Variants in NEMP2 observed in about 807,000 individuals in gnomAD.
NEMP2 encodes nuclear envelope integral membrane protein 2.
NEMP2 carries 53 observed loss-of-function variants against 54.2 expected under a neutral mutation model. The ratio of observed to expected loss-of-function variants is 0.98; its 90% confidence interval spans 0.78 to 1.23. The LOEUF is 1.23. Among genes scored for constraint, NEMP2 ranks in the 50% most tolerant of loss-of-function variants. NEMP2 has a pLI of 0.00. For missense variants in NEMP2, 455 were observed against 511.3 expected (o/e 0.89, Z 1.06); for synonymous variants, 197 against 190.3 (o/e 1.04, Z -0.29).
chr2:190,648,557 G>C, the NEMP2 span: 1 of 150,362 alleles, frequency 6.7e-6, no homozygotes, highest in Non-Finnish European at 1.5e-5. Context: ...CCTCCTAGAG[G>C]ATGTTGGATT....
the NEMP2 span, among the ~76,000 whole-genome samples, chr2:190,590,976 G>A: frequency 6.6e-6 from 1 of 152,172 alleles, no homozygotes; most frequent in African/African-American, 2.4e-5. The surrounding 1 kb of genome is among the most constrained non-coding windows in gnomAD (Gnocchi z 5.1). Context: ...CAGCTGTACA[G>A]AATGAGGCTT....
chr2:190,478,680 T>C, the NEMP2 span, among the ~76,000 whole-genome samples: 1 of 152,126 alleles, frequency 6.6e-6, no homozygotes, highest in Admixed American at 6.6e-5. Context: ...ATTCCTTGAC[T>C]GGAAATGTTA....
At chr2:190,464,811 A>AT in the NEMP2 span, 1 of 631,358 alleles carries the variant, frequency 1.6e-6, no homozygotes, top group Non-Finnish European at 1.9e-6. Context: ...TTTCCTCTTC[A>AT]TTTTTACTCC....
chr2:190,609,880 G>A, the NEMP2 span: 3 of 152,132 alleles, frequency 2.0e-5, no homozygotes, highest in Admixed American at 1.3e-4. This position sits in a 1 kb window ranked among gnomAD's most constrained non-coding sequence, Gnocchi z 4.7. Context: ...TATTTCGGGG[G>A]CCTAGAATAG....
At chr2:190,559,136 G>A in the NEMP2 span, among the ~76,000 whole-genome samples, 3 of 152,118 alleles carry the variant, frequency 2.0e-5, no homozygotes, top group African/African-American at 7.2e-5. The surrounding 1 kb of genome is among the most constrained non-coding windows in gnomAD (Gnocchi z 4.0). Flanking sequence ...CAGTGGCAGT[G>A]GGATGGAGCT....
chr2:190,634,177 AAAT>A, the NEMP2 span, among the ~76,000 whole-genome samples: 2 of 152,170 alleles, frequency 1.3e-5, no homozygotes, highest in Non-Finnish European at 2.9e-5. This position sits in a 1 kb window ranked among gnomAD's most constrained non-coding sequence, Gnocchi z 6.8. Context: ...ATAAAATTAT[AAAT>A]AATAATATAA....
rs745707627 is a variant in NEMP2, at chr2:190,525,244, G to A, written c.213+19C>T. The A allele has an allele frequency of 2.2e-6, 3 of 1,353,784 alleles. No individual in the cohort carries two copies. Among genetic ancestry groups the A allele is most frequent in the Non-Finnish European group, 3.1e-6 (3 of 969,956 alleles). The allele number at this position is 1,353,784 out of a possible 1,614,324, so 83.9% of individuals were successfully genotyped here. A position where few individuals can be genotyped will look rare whatever the true frequency, so the allele number is the denominator to read the frequency against. ...GTAATTCTCTGTCCCTAAGACATGA[G>A]TTAAAAGTAGGCCCTTACCTGCATA... On this transcript the variant is annotated intron_variant, in intron 2 of 8. Coordinates refer to ENST00000409150, the MANE Select transcript of NEMP2 (RefSeq NM_001142645.2). This position sits in a 1 kb window ranked among gnomAD's most constrained non-coding sequence, Gnocchi z 5.0.
the NEMP2 span, among the ~76,000 whole-genome samples, chr2:190,480,553 C>T: frequency 6.6e-6 from 1 of 152,150 alleles, no homozygotes; most frequent in African/African-American, 2.4e-5. Context: ...TAAAATCACC[C>T]ATGTATTTTA....
chr2:190,486,846 G>A, the NEMP2 span, among the ~76,000 whole-genome samples: 1 of 152,184 alleles, frequency 6.6e-6, no homozygotes, highest in Non-Finnish European at 1.5e-5. Flanking sequence ...TATAAAACCT[G>A]TTGTGACAAT....
chr2:190,550,705 GCT>G, the NEMP2 span, among the ~76,000 whole-genome samples: 2 of 152,008 alleles, frequency 1.3e-5, no homozygotes, highest in Non-Finnish European at 2.9e-5. The surrounding 1 kb of genome is among the most constrained non-coding windows in gnomAD (Gnocchi z 4.7). Flanking sequence ...TACATGTTAT[GCT>G]CTCTCTTAAC....
the NEMP2 span, chr2:190,626,231 G>T: frequency 2.6e-5 from 4 of 152,138 alleles, no homozygotes; most frequent in African/African-American, 9.7e-5. This position sits in a 1 kb window ranked among gnomAD's most constrained non-coding sequence, Gnocchi z 4.5. Flanking sequence ...AGCACATTGA[G>T]GGTTAGGATT....
the NEMP2 span, among the ~76,000 whole-genome samples, chr2:190,572,913 A>T: frequency 7.2e-6 from 1 of 139,178 alleles, no homozygotes; most frequent in Admixed American, 7.7e-5. Context: ...TTCCCTTAGG[A>T]TGAATTCCCA....
Position 190,505,638 on chromosome 2 carries a change from A to G in NEMP2, c.*3551T>C, listed in dbSNP as rs889049316. ...TTAAGGTTTCACATTCAGGGATCAT[A>G]ACAAAAAAAATACAGTTACCTTTAA... On this transcript the variant is annotated 3_prime_UTR_variant, in exon 9 of 9. Coordinates refer to ENST00000409150, the MANE Select transcript of NEMP2 (RefSeq NM_001142645.2). The surrounding 1 kb of genome is among the most constrained non-coding windows in gnomAD (Gnocchi z 5.8). 1 of 152,228 alleles carries G rather than the reference A, an allele frequency of 6.6e-6. No individual in the cohort carries two copies. Among genetic ancestry groups the G allele is most frequent in the Middle Eastern group, 3.2e-3 (1 of 316 alleles). The allele number at this position is 152,228 out of a possible 1,614,324, so 9.4% of individuals were successfully genotyped here.
At chr2:190,625,906 T>G in the NEMP2 span, 4 of 152,176 alleles carry the variant, frequency 2.6e-5, no homozygotes, top group East Asian at 1.9e-4. Context: ...GACCCAAATA[T>G]GTCTCTTTTT....
chr2:190,569,428 A>G, the NEMP2 span, among the ~76,000 whole-genome samples: 1 of 152,072 alleles, frequency 6.6e-6, no homozygotes, highest in Non-Finnish European at 1.5e-5. Flanking sequence ...CCAGGAAGGA[A>G]TTCAGGCATG....
chr2:190,604,258 A>G, the NEMP2 span, among the ~76,000 whole-genome samples: 4 of 152,330 alleles, frequency 2.6e-5, no homozygotes, highest in South Asian at 8.3e-4. The surrounding 1 kb of genome is among the most constrained non-coding windows in gnomAD (Gnocchi z 4.5). Flanking sequence ...CATCCGTTTG[A>G]GGGTGACTAG....
the NEMP2 span, among the ~76,000 whole-genome samples, chr2:190,458,601 C>T: frequency 6.6e-6 from 1 of 152,158 alleles, no homozygotes; most frequent in Admixed American, 6.5e-5. This position sits in a 1 kb window ranked among gnomAD's most constrained non-coding sequence, Gnocchi z 5.3. Context: ...TTCCCTTCCC[C>T]CCGAGTGCTT....
In NEMP2 at chr2:190,533,505, A is replaced by G. The variant is rs1037839815; in HGVS notation, c.97+1054T>C. Among the ~76,000 whole-genome samples, 1 of 152,206 alleles carries G rather than the reference A, an allele frequency of 6.6e-6. No individual in the cohort carries two copies. Among genetic ancestry groups the G allele is most frequent in the African/African-American group, 2.4e-5 (1 of 41,458 alleles). On this transcript the variant is annotated intron_variant, in intron 1 of 8. Coordinates refer to ENST00000409150, the MANE Select transcript of NEMP2 (RefSeq NM_001142645.2). This position sits in a 1 kb window ranked among gnomAD's most constrained non-coding sequence, Gnocchi z 4.3. ...TGAACACTCAAAAAATTTCTCTTCA[A>G]TGAAAACTGGAATCCAACACTTCCC... is the stretch of plus-strand genomic sequence containing the variant.
chr2:190,449,660 A>G, the NEMP2 span, among the ~76,000 whole-genome samples: 73 of 139,858 alleles, frequency 5.2e-4, 2 homozygotes, highest in Admixed American at 1.0e-3. Flanking sequence ...TGTAGCACAT[A>G]TAACCATGAA....
Sources: allele counts gnomAD v4.1 joint callset (sites outside exome capture counted in the v4.1 genomes callset), GRCh38; gene constraint gnomAD v4.1.1; non-coding constraint Gnocchi (gnomAD v3.1); transcripts MANE v1.5; gene names NCBI Gene and HGNC (gene_info 2026-07-23, HGNC 2026-07-21).